ZNF148: variants seen among roughly 807,000 people sequenced by gnomAD.
The protein encoded by ZNF148 is zinc finger protein 148, also known as Beta-Enolase Repressor Factor-1.
ZNF148 carries 7 observed loss-of-function variants against 67.7 expected under a neutral mutation model. That is an observed-to-expected ratio of 0.10 (90% CI 0.06 to 0.19). The LOEUF (loss-of-function observed/expected upper bound fraction) is 0.19, where lower values mean the gene tolerates loss of function less well. Ranked by LOEUF, ZNF148 falls within the 10% of genes least tolerant of loss-of-function variation. The pLI, the probability that ZNF148 is intolerant of heterozygous loss-of-function variation, is 1.00. For synonymous variants in ZNF148, 333 were observed against 330.7 expected (o/e 1.01, Z -0.08); for missense variants, 583 against 947.1 (o/e 0.62, Z 5.05).
intron 7 of ZNF148, among the ~76,000 whole-genome samples, chr3:125,236,568 T>C (rs1384242799): frequency 6.6e-6 from 1 of 152,118 alleles, no homozygotes; most frequent in Admixed American, 6.6e-5. Flanking sequence ...CTCTAAGTGT[T>C]TAGATACTAT....
At chr3:125,288,317 C>T in intron 4 of ZNF148, 89 bp from the exon 5 acceptor site, 2 of 1,369,214 alleles carry the variant, frequency 1.5e-6, no homozygotes, top group Non-Finnish European at 2.0e-6. Flanking sequence ...TTTGCTAAAC[C>T]CACATACAGG....
intron 1 of ZNF148, among the ~76,000 whole-genome samples, chr3:125,332,106 C>G (rs1941313940): frequency 6.6e-6 from 1 of 151,992 alleles, no homozygotes. Context: ...TAGAAAATAA[C>G]CAAGTACATC....
At chr3:125,269,448 C>CA (rs34424875) in intron 7 of ZNF148, among the ~76,000 whole-genome samples, 11,638 of 136,834 alleles carry the variant, frequency 0.085, 1,392 homozygotes, top group African/African-American at 0.28. Flanking sequence ...ATTAAAATGT[C>CA]AAAAAAAAAA....
At chr3:125,242,978 C>T (rs1936434563) in intron 7 of ZNF148, among the ~76,000 whole-genome samples, 1 of 152,208 alleles carries the variant, frequency 6.6e-6, no homozygotes, top group Non-Finnish European at 1.5e-5. Flanking sequence ...CTGCATTCTT[C>T]TCGTTTGTCC....
chr3:125,342,756 T>C (rs1335391017), intron 1 of ZNF148, among the ~76,000 whole-genome samples: 1 of 152,176 alleles, frequency 6.6e-6, no homozygotes, highest in Non-Finnish European at 1.5e-5. Context: ...TCTTGGTTAG[T>C]TTTATAAATC....
At chr3:125,306,742 C>A (rs531057061) in intron 4 of ZNF148, among the ~76,000 whole-genome samples, 56 of 151,994 alleles carry the variant, frequency 3.7e-4, no homozygotes, top group Middle Eastern at 3.4e-3. Flanking sequence ...TGTGTATAGT[C>A]CCAACTACTT....
At chr3:125,277,125 C>T (rs9820507) in intron 7 of ZNF148, among the ~76,000 whole-genome samples, 12,397 of 152,194 alleles carry the variant, frequency 0.081, 606 homozygotes, top group Non-Finnish European at 0.098. Flanking sequence ...AGTCAACAGA[C>T]TACTAAATCA....
intron 7 of ZNF148, among the ~76,000 whole-genome samples, chr3:125,255,273 G>GTCTGGC (rs1168266791): frequency 3.6e-5 from 4 of 110,346 alleles, no homozygotes; most frequent in Non-Finnish European, 6.6e-5. Flanking sequence ...TTGAGACGGT[G>GTCTGGC]TCTGGCTCTG....
Position 125,226,910 on chromosome 3 carries a change from C to T in ZNF148, c.*5431G>A, listed in dbSNP as rs1560094822. 1 of 152,064 alleles carries T rather than the reference C, an allele frequency of 6.6e-6. No individual in the cohort carries two copies. Among genetic ancestry groups the T allele is most frequent in the Admixed American group, 6.6e-5 (1 of 15,266 alleles). The allele number at this position is 152,064 out of a possible 1,614,324, so 9.4% of individuals were successfully genotyped here. The stretch of plus-strand genomic sequence containing the variant: ...CTGAAAATTTCAATGTGATAAGTTT[C>T]ATTGCAAAGCAACTGTCACCTGAGT... On this transcript the variant is annotated 3_prime_UTR_variant, in exon 9 of 9. Coordinates refer to ENST00000360647, the MANE Select transcript of ZNF148 (RefSeq NM_021964.3).
intron 5 of ZNF148, among the ~76,000 whole-genome samples, chr3:125,279,983 G>T: frequency 6.6e-6 from 1 of 151,672 alleles, no homozygotes; most frequent in African/African-American, 2.4e-5. Context: ...CATGTAAGTG[G>T]TTACCTATTA....
chr3:125,263,626 C>T (rs1459841577), intron 7 of ZNF148, among the ~76,000 whole-genome samples: 1 of 151,770 alleles, frequency 6.6e-6, no homozygotes, highest in Non-Finnish European at 1.5e-5. Flanking sequence ...CTAGTAATTT[C>T]CTGAGTGATC....
At chr3:125,369,915 GAACC>G (rs57527926) in intron 1 of ZNF148, among the ~76,000 whole-genome samples, 117,397 of 151,496 alleles carry the variant, frequency 0.77, 46,094 homozygotes, top group African/African-American at 0.87. Context: ...GGCGGAGTTT[GAACC>G]CAGCAGTGAG....
At chr3:125,279,381 G>A in intron 5 of ZNF148, 134 bp from the exon 6 acceptor site, 1 of 746,586 alleles carries the variant, frequency 1.3e-6, no homozygotes, top group Admixed American at 3.5e-5. Context: ...AAATGATCTT[G>A]AAAAGACTAT....
intron 4 of ZNF148, among the ~76,000 whole-genome samples, chr3:125,294,566 A>G (rs1289179345): frequency 6.6e-6 from 1 of 152,222 alleles, no homozygotes; most frequent in African/African-American, 2.4e-5. Flanking sequence ...TGGCATTTTT[A>G]TGAGTTTGTG....
intron 4 of ZNF148, among the ~76,000 whole-genome samples, chr3:125,305,409 A>AT (rs1187547704): frequency 1.3e-5 from 2 of 152,220 alleles, no homozygotes; most frequent in African/African-American, 4.8e-5. Flanking sequence ...TCAACATGTA[A>AT]TTTTGAACTG....
Position 125,313,515 on chromosome 3 carries a change from T to C in ZNF148, c.126A>G (p.Leu42=). 1 of 1,614,202 alleles carries C rather than the reference T, an allele frequency of 6.2e-7. No homozygotes were observed. Among genetic ancestry groups the C allele is most frequent in the Non-Finnish European group, 8.5e-7 (1 of 1,180,020 alleles). Residue 42 remains leucine, a synonymous_variant, in exon 4 of 9, where the codon CTA becomes CTG. Coordinates refer to ENST00000360647, the MANE Select transcript of ZNF148 (RefSeq NM_021964.3). ...VSGQSTVSGE[L]QDSVLQDRSM... ...TTCGATCTTGAAGTACTGAATCCTG[T>C]AGCTCTCCAGACACAGTAGACTGGC...
At chr3:125,367,188 A>G (rs1942728987) in intron 1 of ZNF148, among the ~76,000 whole-genome samples, 1 of 152,194 alleles carries the variant, frequency 6.6e-6, no homozygotes, top group Admixed American at 6.5e-5. Flanking sequence ...AACTTCTACT[A>G]TATTCCAAAC....
chr3:125,319,551 G>T (rs530643315), intron 3 of ZNF148, among the ~76,000 whole-genome samples: 6 of 152,246 alleles, frequency 3.9e-5, no homozygotes, highest in African/African-American at 1.4e-4. Flanking sequence ...TGTAATGGGA[G>T]TTTTATACAA....
At chr3:125,283,060 TTA>T (rs1938475229) in intron 5 of ZNF148, among the ~76,000 whole-genome samples, 1 of 152,288 alleles carries the variant, frequency 6.6e-6, no homozygotes, top group East Asian at 1.9e-4. Flanking sequence ...TTCTCACCTA[TTA>T]TGAGACGTTC....
Sources: gnomAD v4.1 joint callset for allele counts (sites outside exome capture counted in the v4.1 genomes callset) on GRCh38, gnomAD v4.1.1 for gene constraint, MANE v1.5 for transcripts, NCBI Gene and HGNC (gene_info 2026-07-23, HGNC 2026-07-21) for gene names.